GALNTL6: variants seen among roughly 807,000 people sequenced by gnomAD.
GALNTL6 encodes polypeptide N-acetylgalactosaminyltransferase like 6, also known as polypeptide N-acetylgalactosaminyltransferase-like 6.
A neutral mutation model predicts 73.7 loss-of-function variants in GALNTL6; 46 were observed. That is an observed-to-expected ratio of 0.62 (90% CI 0.49 to 0.80). GALNTL6 has a LOEUF of 0.80. GALNTL6 is among the 30% of genes least tolerant of loss of function. The pLI, the probability that GALNTL6 is intolerant of heterozygous loss-of-function variation, is 0.00. For synonymous variants in GALNTL6, 259 were observed against 263.7 expected, an observed-to-expected ratio of 0.98 and a Z score of 0.17; for missense variants, 604 against 755.0, an observed-to-expected ratio of 0.80 and a Z score of 2.34.
intron 2 of GALNTL6, among the ~76,000 whole-genome samples, chr4:171,858,167 A>G (rs1735739588): frequency 1.3e-5 from 2 of 152,138 alleles, no homozygotes; most frequent in African/African-American, 2.4e-5. Context: ...ATGCTCTCCA[A>G]ATTCTGCATT....
chr4:172,196,728 C>G (rs1298332338), intron 2 of GALNTL6, among the ~76,000 whole-genome samples: 2 of 152,062 alleles, frequency 1.3e-5, no homozygotes, highest in African/African-American at 4.8e-5. Flanking sequence ...AAAAAGCCTT[C>G]AATAAAATTC....
intron 3 of GALNTL6, among the ~76,000 whole-genome samples, chr4:172,284,634 T>G (rs1461122509): frequency 6.6e-6 from 1 of 152,198 alleles, no homozygotes. Context: ...TACACTTAAG[T>G]CTTTCATCCA....
chr4:172,281,108 G>T (rs986069654), intron 3 of GALNTL6, among the ~76,000 whole-genome samples: 1 of 152,050 alleles, frequency 6.6e-6, no homozygotes. Flanking sequence ...GGCGGAGCTT[G>T]CAATGAACCG....
intron 5 of GALNTL6, among the ~76,000 whole-genome samples, chr4:172,729,818 G>A (rs1424112961): frequency 6.6e-6 from 1 of 151,990 alleles, no homozygotes; most frequent in African/African-American, 2.4e-5. Flanking sequence ...AATTACTTTG[G>A]GTGGTATTGT....
At chr4:171,951,802 T>C (rs987416138) in intron 2 of GALNTL6, among the ~76,000 whole-genome samples, 1 of 152,060 alleles carries the variant, frequency 6.6e-6, no homozygotes, top group African/African-American at 2.4e-5. Context: ...TATACACTTC[T>C]ACTAATAGTA....
intron 2 of GALNTL6, among the ~76,000 whole-genome samples, chr4:171,982,806 T>C (rs1739945160): frequency 6.6e-6 from 1 of 152,198 alleles, no homozygotes; most frequent in Non-Finnish European, 1.5e-5. Context: ...TAGGACCTCA[T>C]ACTCACTATG....
intron 9 of GALNTL6, among the ~76,000 whole-genome samples, chr4:172,950,398 C>T (rs1299953076): frequency 6.6e-6 from 1 of 152,208 alleles, no homozygotes; most frequent in Admixed American, 6.5e-5. Context: ...GAAAGGAACA[C>T]AGAGGGAACT....
chr4:171,914,780 T>TTAAAA (rs370128833), intron 2 of GALNTL6, among the ~76,000 whole-genome samples: 2 of 144,824 alleles, frequency 1.4e-5, no homozygotes, highest in African/African-American at 5.1e-5. Context: ...GTAAAAATGA[T>TTAAAA]AAAAAAAAAA....
intron 5 of GALNTL6, among the ~76,000 whole-genome samples, chr4:172,370,747 C>G (rs1245259522): frequency 6.6e-6 from 1 of 151,662 alleles, no homozygotes; most frequent in Admixed American, 6.6e-5. Flanking sequence ...AAAAACAACA[C>G]TCTTCCCCTA....
chr4:172,113,203 A>C (rs1350994467), intron 2 of GALNTL6, among the ~76,000 whole-genome samples: 1 of 152,032 alleles, frequency 6.6e-6, no homozygotes, highest in African/African-American at 2.4e-5. Context: ...TTATTTCACT[A>C]GCCTCACATT....
intron 5 of GALNTL6, among the ~76,000 whole-genome samples, chr4:172,694,600 T>C (rs1733568731): frequency 6.6e-6 from 1 of 152,128 alleles, no homozygotes; most frequent in African/African-American, 2.4e-5. Flanking sequence ...CATATGCAAG[T>C]GGAAATCAGT....
chr4:171,833,074 C>T (rs1186972632), intron 2 of GALNTL6, among the ~76,000 whole-genome samples: 1 of 151,596 alleles, frequency 6.6e-6, no homozygotes, highest in Non-Finnish European at 1.5e-5. Context: ...GCCTGTTTCA[C>T]GTGTGGCTTG....
chr4:172,177,678 A>G (rs1293309989), intron 2 of GALNTL6, among the ~76,000 whole-genome samples: 1 of 147,132 alleles, frequency 6.8e-6, no homozygotes, highest in Non-Finnish European at 1.5e-5. Flanking sequence ...TTTTATATTC[A>G]TGTAACACTG....
intron 5 of GALNTL6, among the ~76,000 whole-genome samples, chr4:172,404,341 A>G (rs1744138580): frequency 6.6e-6 from 1 of 152,034 alleles, no homozygotes; most frequent in Admixed American, 6.6e-5. Context: ...AACACCAGCC[A>G]TTATAATAGC....
chr4:172,435,243 G>T lies in GALNTL6; in HGVS notation c.553+86554G>T, dbSNP rs568940069. Among the ~76,000 whole-genome samples, 78 of 152,168 alleles carry T rather than the reference G, an allele frequency of 5.1e-4. 2 individuals are homozygous for T. The South Asian group carries it at 0.016, about 32-fold the overall frequency. ...TTTGCTCTCATGCTCAAAACTCTTT[G>T]GTAGTTCTCTGTTGCCCACAAAGCA... On this transcript the variant is annotated intron_variant, in intron 5 of 12. Coordinates refer to ENST00000506823, the MANE Select transcript of GALNTL6 (RefSeq NM_001034845.3).
chr4:172,143,752 C>G (rs1289350238), intron 2 of GALNTL6, among the ~76,000 whole-genome samples: 1 of 152,030 alleles, frequency 6.6e-6, no homozygotes, highest in East Asian at 1.9e-4. Flanking sequence ...CATGAGTCAT[C>G]TTATTTTTAT....
intron 2 of GALNTL6, among the ~76,000 whole-genome samples, chr4:172,215,398 A>C (rs561918291): frequency 6.6e-6 from 1 of 152,114 alleles, no homozygotes; most frequent in Non-Finnish European, 1.5e-5. Flanking sequence ...TTGCAATTCT[A>C]TCAGTTTCTG....
At chr4:172,408,209 T>G (rs1254262526) in intron 5 of GALNTL6, among the ~76,000 whole-genome samples, 1 of 152,024 alleles carries the variant, frequency 6.6e-6, no homozygotes, top group Non-Finnish European at 1.5e-5. Context: ...TGTATTCCAT[T>G]AAAGCAAAAT....
intron 8 of GALNTL6, among the ~76,000 whole-genome samples, chr4:172,927,207 T>G (rs994855511): frequency 4.6e-5 from 7 of 152,132 alleles, no homozygotes; most frequent in Non-Finnish European, 7.4e-5. Flanking sequence ...GGCCCAGAGG[T>G]GATGCACATC....
Sources: allele counts gnomAD v4.1 joint callset (sites outside exome capture counted in the v4.1 genomes callset), GRCh38; gene constraint gnomAD v4.1.1; transcripts MANE v1.5; gene names NCBI Gene and HGNC (gene_info 2026-07-23, HGNC 2026-07-21).